The following ARB2A variants were observed in gnomAD, a reference collection of about 807,000 sequenced individuals.
ARB2A encodes ARB2 cotranscriptional regulator A, also known as cotranscriptional regulator ARB2A.
the ARB2A span, among the ~76,000 whole-genome samples, chr5:93,836,518 T>C: frequency 6.6e-6 from 1 of 152,244 alleles, no homozygotes; most frequent in Non-Finnish European, 1.5e-5. Flanking sequence ...TGTGCATTAA[T>C]ATAGAACAAA....
At chr5:93,858,224 G>A in the ARB2A span, among the ~76,000 whole-genome samples, 2 of 152,274 alleles carry the variant, frequency 1.3e-5, no homozygotes, top group South Asian at 4.2e-4. Context: ...AGAACCCAGG[G>A]TTCTTACTGG....
At chr5:93,969,018 CTTTTTTT>C in the ARB2A span, among the ~76,000 whole-genome samples, 7 of 113,220 alleles carry the variant, frequency 6.2e-5, no homozygotes, top group South Asian at 3.1e-4. Context: ...GAATTTTTTT[CTTTTTTT>C]TTTTTTTTTT....
chr5:93,920,728 G>A, the ARB2A span, among the ~76,000 whole-genome samples: 1 of 152,246 alleles, frequency 6.6e-6, no homozygotes, highest in East Asian at 1.9e-4. Flanking sequence ...GTAAACAAAT[G>A]TAAAGATGCA....
At chr5:94,067,981 G>A in the ARB2A span, among the ~76,000 whole-genome samples, 1 of 152,158 alleles carries the variant, frequency 6.6e-6, no homozygotes, top group Admixed American at 6.5e-5. Context: ...TAAAAGACTT[G>A]TAAGGCCAGG....
At chr5:94,110,167 G>A in the ARB2A span, among the ~76,000 whole-genome samples, 1 of 152,104 alleles carries the variant, frequency 6.6e-6, no homozygotes, top group African/African-American at 2.4e-5. Context: ...TTACAGGCGT[G>A]AGCCACCGCG....
At chr5:93,818,475 G>A in the ARB2A span, among the ~76,000 whole-genome samples, 7 of 151,882 alleles carry the variant, frequency 4.6e-5, no homozygotes, top group African/African-American at 1.7e-4. Context: ...ATTTATCTCA[G>A]AAATAAAAAA....
At chr5:94,068,185 C>T in the ARB2A span, among the ~76,000 whole-genome samples, 9 of 152,264 alleles carry the variant, frequency 5.9e-5, no homozygotes, top group South Asian at 1.4e-3. Context: ...TTGGGCCATG[C>T]GGTGAGTGTT....
the ARB2A span, among the ~76,000 whole-genome samples, chr5:93,883,966 C>CACAT: frequency 3.5e-5 from 5 of 143,718 alleles, no homozygotes; most frequent in South Asian, 8.9e-4. Flanking sequence ...CACACACACA[C>CACAT]CACCCTCTCA....
chr5:93,659,528 C>T, the ARB2A span, among the ~76,000 whole-genome samples: 1 of 152,042 alleles, frequency 6.6e-6, no homozygotes, highest in Non-Finnish European at 1.5e-5. Context: ...TTATCTAAGT[C>T]TTGATCAGAC....
the ARB2A span, among the ~76,000 whole-genome samples, chr5:93,709,632 C>CAAAAAAAA: frequency 1.9e-4 from 8 of 41,670 alleles, no homozygotes; most frequent in Admixed American, 3.9e-4. Flanking sequence ...GACTCTGTCA[C>CAAAAAAAA]AAAAAAAAAA....
chr5:93,637,840 T>G, the ARB2A span, among the ~76,000 whole-genome samples: 1 of 152,214 alleles, frequency 6.6e-6, no homozygotes, highest in African/African-American at 2.4e-5. Context: ...TCTTAGCCCT[T>G]GGAATGTTCT....
At chr5:94,029,270 G>C in the ARB2A span, among the ~76,000 whole-genome samples, 2 of 152,158 alleles carry the variant, frequency 1.3e-5, no homozygotes, top group Non-Finnish European at 2.9e-5. Context: ...TAGATTACAG[G>C]TGTGAGCCAC....
At chr5:93,944,416 T>C in the ARB2A span, among the ~76,000 whole-genome samples, 1 of 151,886 alleles carries the variant, frequency 6.6e-6, no homozygotes, top group African/African-American at 2.4e-5. Flanking sequence ...GCCAACATAG[T>C]AGGACCCCAT....
the ARB2A span, among the ~76,000 whole-genome samples, chr5:93,712,294 T>TTTGAAGAGGGGAGTCTGCAGA: frequency 1.3e-5 from 2 of 152,020 alleles, no homozygotes; most frequent in Non-Finnish European, 2.9e-5. Context: ...ACATCTACAT[T>TTTGAAGAGGGGAGTCTGCAGA]TTGAAGAGGG....
At chr5:93,729,457 T>C in the ARB2A span, among the ~76,000 whole-genome samples, 1 of 152,048 alleles carries the variant, frequency 6.6e-6, no homozygotes, top group East Asian at 1.9e-4. Context: ...AAATCAGGAG[T>C]TGGTTTGGGA....
At chr5:94,034,428 G>A in the ARB2A span, among the ~76,000 whole-genome samples, 2 of 152,078 alleles carry the variant, frequency 1.3e-5, no homozygotes, top group Non-Finnish European at 2.9e-5. Context: ...TGATAAGGAA[G>A]AACATTCCTT....
the ARB2A span, among the ~76,000 whole-genome samples, chr5:93,835,552 C>A: frequency 2.0e-5 from 3 of 152,098 alleles, no homozygotes; most frequent in Non-Finnish European, 2.9e-5. Context: ...ATTTTAAAGT[C>A]AAAAATTCAA....
chr5:93,757,742 T>A, the ARB2A span, among the ~76,000 whole-genome samples: 1 of 151,982 alleles, frequency 6.6e-6, no homozygotes, highest in Admixed American at 6.6e-5. Context: ...TTGAAACAAA[T>A]CCTGGAAACA....
At chr5:93,797,497 T>C in the ARB2A span, among the ~76,000 whole-genome samples, 1 of 152,142 alleles carries the variant, frequency 6.6e-6, no homozygotes, top group Non-Finnish European at 1.5e-5. Context: ...AGAATTTTTG[T>C]TACATCACAC....
Sources: allele counts gnomAD v4.1 joint callset (sites outside exome capture counted in the v4.1 genomes callset), GRCh38; gene constraint gnomAD v4.1.1; transcripts MANE v1.5; gene names NCBI Gene and HGNC (gene_info 2026-07-23, HGNC 2026-07-21).